GDNF: variants seen among roughly 807,000 people sequenced by gnomAD.
GDNF encodes glial cell line-derived neurotrophic factor.
A neutral mutation model predicts 13.7 loss-of-function variants in GDNF; 5 were observed. That is an observed-to-expected ratio of 0.36 (90% CI 0.19 to 0.77). GDNF has a LOEUF of 0.77. Among genes scored for constraint, GDNF ranks in the 30% least tolerant of loss-of-function variants. GDNF has a pLI of 0.51. For missense variants in GDNF, 246 were observed against 274.3 expected, an observed-to-expected ratio of 0.90 and a Z score of 0.73; for synonymous variants, 122 against 112.5, an observed-to-expected ratio of 1.08 and a Z score of -0.53.
intron 1 of GDNF, chr5:37,835,526 C>T: frequency 1.3e-6 from 2 of 1,489,370 alleles, no homozygotes; most frequent in Admixed American, 4.0e-5. Flanking sequence ...CTTCCCAAAG[C>T]ACTGATTCGA....
At chr5:37,827,296 T>C (rs1750361167) in intron 2 of GDNF, among the ~76,000 whole-genome samples, 1 of 152,106 alleles carries the variant, frequency 6.6e-6, no homozygotes, top group Non-Finnish European at 1.5e-5. Context: ...CAGTATTATA[T>C]CCATGTTAAA....
intron 2 of GDNF, among the ~76,000 whole-genome samples, chr5:37,826,957 T>A (rs540893714): frequency 1.7e-4 from 26 of 152,246 alleles, no homozygotes; most frequent in African/African-American, 6.3e-4. Flanking sequence ...AACAAACTGA[T>A]ATTGGGCGCT....
intron 2 of GDNF, among the ~76,000 whole-genome samples, chr5:37,828,658 T>C (rs955731741): frequency 1.3e-5 from 2 of 152,222 alleles, no homozygotes; most frequent in African/African-American, 2.4e-5. Flanking sequence ...TTACTAGGTT[T>C]GTGACCCGGA....
intron 2 of GDNF, among the ~76,000 whole-genome samples, chr5:37,819,444 CTTTTTTTTT>C (rs529362873): frequency 1.6e-5 from 2 of 126,208 alleles, no homozygotes; most frequent in African/African-American, 3.0e-5. Context: ...GTGCTCTTTT[CTTTTTTTTT>C]TTTTTTTTTT....
At chr5:37,818,186 G>T (rs1749999440) in intron 2 of GDNF, among the ~76,000 whole-genome samples, 3 of 152,180 alleles carry the variant, frequency 2.0e-5, no homozygotes, top group Admixed American at 6.5e-5. Context: ...AGCATCCCTG[G>T]CTTCCATCCA....
chr5:37,828,917 C>T (rs570723110), intron 2 of GDNF, among the ~76,000 whole-genome samples: 1 of 152,360 alleles, frequency 6.6e-6, no homozygotes, highest in East Asian at 1.9e-4. Flanking sequence ...CACAACACCT[C>T]AAAATAAAAG....
chr5:37,835,623 A>G (rs750157371), intron 1 of GDNF: 1 of 1,548,092 alleles, frequency 6.5e-7, no homozygotes, highest in South Asian at 1.2e-5. Context: ...AGAGCTCAGT[A>G]AATGCTTTAC....
At chr5:37,830,224 T>C (rs2973041) in intron 2 of GDNF, among the ~76,000 whole-genome samples, 29,235 of 152,164 alleles carry the variant, frequency 0.19, 3,368 homozygotes, top group South Asian at 0.39. Flanking sequence ...TTTACAAAGA[T>C]ACGCTCCATC....
intron 2 of GDNF, among the ~76,000 whole-genome samples, chr5:37,821,736 GA>G (rs1242427308): frequency 6.6e-5 from 10 of 151,780 alleles, no homozygotes; most frequent in East Asian, 1.9e-4. Flanking sequence ...CGATTATGGG[GA>G]AAAAAAATAG....
At chr5:37,836,505 G>A (rs1750712644) in intron 1 of GDNF, among the ~76,000 whole-genome samples, 1 of 152,198 alleles carries the variant, frequency 6.6e-6, no homozygotes, top group African/African-American at 2.4e-5. Flanking sequence ...CTGCAGCACC[G>A]AGCGCCTCTT....
chr5:37,827,538 C>T (rs1293587673), intron 2 of GDNF, among the ~76,000 whole-genome samples: 1 of 152,214 alleles, frequency 6.6e-6, no homozygotes, highest in African/African-American at 2.4e-5. Flanking sequence ...ACCAAGAAAT[C>T]CTGAAGCCAG....
intron 2 of GDNF, among the ~76,000 whole-genome samples, chr5:37,822,259 C>T (rs186923819): frequency 6.6e-6 from 1 of 152,316 alleles, no homozygotes; most frequent in Non-Finnish European, 1.5e-5. Context: ...GGCTTGAGAT[C>T]TGCATGAGCC....
rs1750756765 is a variant in GDNF at position 37,837,615 on chromosome 5, G to A, written c.-27+1892C>T. Among the ~76,000 whole-genome samples the A allele has an allele frequency of 6.6e-6, 1 of 152,222 alleles. No individual in the cohort carries two copies. Among genetic ancestry groups the A allele is most frequent in the African/African-American group, 2.4e-5 (1 of 41,464 alleles). On this transcript the variant is annotated intron_variant, in intron 1 of 2. Coordinates refer to ENST00000326524, the MANE Select transcript of GDNF (RefSeq NM_000514.4). This position sits in a 1 kb window ranked among gnomAD's most constrained non-coding sequence, Gnocchi z 6.5. ...GTCGCGCCCACGCGGCCCGGAGGCT[G>A]TGTTATCATTTTAGTTATAAAACCG...
chr5:37,828,979 C>A (rs1378068036), intron 2 of GDNF, among the ~76,000 whole-genome samples: 3 of 152,260 alleles, frequency 2.0e-5, no homozygotes, highest in Admixed American at 1.3e-4. Context: ...ATTTAGGTAA[C>A]TTCTCCTGCA....
chr5:37,835,788 G>T, intron 1 of GDNF: 1 of 779,214 alleles, frequency 1.3e-6, no homozygotes, highest in Non-Finnish European at 2.2e-6. Context: ...CCGCGCCCCC[G>T]TCACGCCTGG....
At chr5:37,823,962 C>T in intron 2 of GDNF, 3 of 658,128 alleles carry the variant, frequency 4.6e-6, no homozygotes, top group Non-Finnish European at 3.8e-6. Flanking sequence ...CATAAAACCC[C>T]ACAGGAGGTA....
Position 37,813,316 on chromosome 5 carries a change from T to G in GDNF, c.*2335A>C, listed in dbSNP as rs1354069941. 6.6e-6 allele frequency: 1 copy of G among 152,208 alleles called. No individual in the cohort carries two copies. The highest frequency in any genetic ancestry group is 1.5e-5 in the Non-Finnish European group (1 of 68,052). The allele number at this position is 152,208 out of a possible 1,614,324, so 9.4% of individuals were successfully genotyped here. ...TGGTAACTGCTGCTTCTTGTTACTATGATTATTTGATGGAGGCCAGTATTT... is the reference window on the plus strand; with the variant it reads ...TGGTAACTGCTGCTTCTTGTTACTAGGATTATTTGATGGAGGCCAGTATTT... On this transcript the variant is annotated 3_prime_UTR_variant, in exon 3 of 3. Transcript: ENST00000326524.
chr5:37,817,405 G>A (rs1009321417), intron 2 of GDNF, among the ~76,000 whole-genome samples: 1 of 152,134 alleles, frequency 6.6e-6, no homozygotes, highest in African/African-American at 2.4e-5. Context: ...GTGGCTTAGA[G>A]AAATAAACCA....
chr5:37,828,656 T>G (rs2111691917), intron 2 of GDNF, among the ~76,000 whole-genome samples: 1 of 152,298 alleles, frequency 6.6e-6, no homozygotes, highest in East Asian at 1.9e-4. Context: ...ACTTACTAGG[T>G]TTGTGACCCG....
Sources: allele counts gnomAD v4.1 joint callset (sites outside exome capture counted in the v4.1 genomes callset), GRCh38; gene constraint gnomAD v4.1.1; non-coding constraint Gnocchi (gnomAD v3.1); transcripts MANE v1.5; gene names NCBI Gene and HGNC (gene_info 2026-07-23, HGNC 2026-07-21).